The following GREM2 variants were observed in gnomAD, a reference collection of about 807,000 sequenced individuals.
GREM2 encodes gremlin 2, DAN family BMP antagonist.
A neutral mutation model predicts 14.2 loss-of-function variants in GREM2; 11 were observed. That is an observed-to-expected ratio of 0.78 (90% CI 0.49 to 1.28). The LOEUF is 1.28. GREM2 is among the 50% of genes most tolerant of loss of function. The pLI, the probability that GREM2 is intolerant of heterozygous loss-of-function variation, is 0.00. For missense variants in GREM2, 210 were observed against 218.5 expected (o/e 0.96, Z 0.24); for synonymous variants, 98 against 97.6 (o/e 1.00, Z -0.02).
chr1:240,514,247 C>CA (rs34702912), intron 1 of GREM2, among the ~76,000 whole-genome samples: 950 of 79,860 alleles, frequency 0.012, 18 homozygotes, highest in Non-Finnish European at 0.016. Context: ...GATTCCATCT[C>CA]AAAAAAAAAA....
At chr1:240,583,530 A>G (rs919461856) in intron 1 of GREM2, among the ~76,000 whole-genome samples, 2 of 152,028 alleles carry the variant, frequency 1.3e-5, no homozygotes, top group Non-Finnish European at 2.9e-5. Context: ...AATATGCTCT[A>G]CATAAATTCT....
At chr1:240,559,937 T>C (rs376021996) in intron 1 of GREM2, among the ~76,000 whole-genome samples, 3 of 152,226 alleles carry the variant, frequency 2.0e-5, no homozygotes, top group Admixed American at 1.3e-4. Context: ...CTTGAAACAG[T>C]CACGGTGTTT....
Position 240,512,049 on chromosome 1 carries a change from T to C in GREM2, c.-1-18573A>G, listed in dbSNP as rs202051242. On this transcript the variant is annotated intron_variant, in intron 1 of 1. Transcript: ENST00000318160. ...TGCTTTCCATCTCTCTGTACACTTG[T>C]CAAACCATTTTAATTGTAATTTTTG... Among the ~76,000 whole-genome samples, 14 of 152,352 alleles carry C rather than the reference T, an allele frequency of 9.2e-5. No individual in the cohort carries two copies. The East Asian group carries it at 1.9e-3, about 21-fold the overall frequency.
intron 1 of GREM2, among the ~76,000 whole-genome samples, chr1:240,605,416 G>A (rs1368360268): frequency 6.6e-6 from 1 of 152,098 alleles, no homozygotes; most frequent in African/African-American, 2.4e-5. Flanking sequence ...GGTTGAGGCT[G>A]CAGTGAGTCG....
intron 1 of GREM2, among the ~76,000 whole-genome samples, chr1:240,577,662 T>A (rs545962031): frequency 6.6e-6 from 1 of 152,346 alleles, no homozygotes; most frequent in Admixed American, 6.5e-5. Context: ...GTTTGGGATG[T>A]TAGTCTTAGT....
intron 1 of GREM2, among the ~76,000 whole-genome samples, chr1:240,560,641 T>C (rs114495702): frequency 1.6e-4 from 24 of 152,292 alleles, no homozygotes; most frequent in African/African-American, 5.3e-4. Context: ...AATTTCTTTA[T>C]TGAATCTGAT....
intron 1 of GREM2, among the ~76,000 whole-genome samples, chr1:240,551,681 A>G (rs1271628564): frequency 6.6e-6 from 1 of 151,920 alleles, no homozygotes; most frequent in African/African-American, 2.4e-5. Flanking sequence ...GAACTATTGA[A>G]TGAGGTACAC....
At chr1:240,603,620 A>G (rs1249228617) in intron 1 of GREM2, among the ~76,000 whole-genome samples, 3 of 143,956 alleles carry the variant, frequency 2.1e-5, no homozygotes, top group Non-Finnish European at 4.8e-5. Flanking sequence ...TTACTGCCCT[A>G]CTGTGTGGGA....
intron 1 of GREM2, among the ~76,000 whole-genome samples, chr1:240,593,805 C>A (rs1301328292): frequency 6.6e-6 from 1 of 151,986 alleles, no homozygotes; most frequent in Non-Finnish European, 1.5e-5. Context: ...GCTGACACGA[C>A]CTTAGTGGCC....
At chr1:240,534,560 C>T (rs185425972) in intron 1 of GREM2, among the ~76,000 whole-genome samples, 2,244 of 152,004 alleles carry the variant, frequency 0.015, 40 homozygotes, top group Non-Finnish European at 0.017. Flanking sequence ...GGCATGGTGG[C>T]GGGCGCCTGT....
intron 1 of GREM2, among the ~76,000 whole-genome samples, chr1:240,597,299 A>T (rs1321288089): frequency 6.6e-6 from 1 of 152,240 alleles, no homozygotes; most frequent in Non-Finnish European, 1.5e-5. Context: ...GGGTATTTAG[A>T]TGCCACAAAC....
intron 1 of GREM2, among the ~76,000 whole-genome samples, chr1:240,569,338 T>C (rs1287277828): frequency 1.3e-5 from 2 of 152,158 alleles, no homozygotes; most frequent in Non-Finnish European, 2.9e-5. Flanking sequence ...TTTGGAGATA[T>C]TTACAAGATG....
At chr1:240,534,015 C>T (rs1447005515) in intron 1 of GREM2, among the ~76,000 whole-genome samples, 1 of 152,144 alleles carries the variant, frequency 6.6e-6, no homozygotes, top group Non-Finnish European at 1.5e-5. Flanking sequence ...GAGTTGCAAA[C>T]AGATAACTTG....
At chr1:240,604,983 T>C (rs928408300) in intron 1 of GREM2, among the ~76,000 whole-genome samples, 1 of 152,206 alleles carries the variant, frequency 6.6e-6, no homozygotes, top group Non-Finnish European at 1.5e-5. Context: ...AAAAGTGTTT[T>C]TACCTTTCTC....
In GREM2 at chr1:240,542,344, C is replaced by T. The variant is rs1057488383; in HGVS notation, c.-1-48868G>A. The stretch of plus-strand genomic sequence containing the variant: ...GCCGGGCACGGTGGCTCACGGCTCA[C>T]GTCTAATCCCAGTACTTTGGGAGGC... On this transcript the variant is annotated intron_variant, in intron 1 of 1. Coordinates refer to ENST00000318160, the MANE Select transcript of GREM2 (RefSeq NM_022469.4). The surrounding 1 kb of genome is among the most constrained non-coding windows in gnomAD (Gnocchi z 4.1). Among the ~76,000 whole-genome samples, 10 of 151,460 alleles carry T rather than the reference C, an allele frequency of 6.6e-5. No individual in the cohort carries two copies. The highest frequency in any genetic ancestry group is 1.7e-4 in the African/African-American group (7 of 41,198).
chr1:240,591,752 G>GC (rs1558176134), intron 1 of GREM2, among the ~76,000 whole-genome samples: 1 of 152,184 alleles, frequency 6.6e-6, no homozygotes, highest in Non-Finnish European at 1.5e-5. Flanking sequence ...TGAAGTGGAA[G>GC]GGGCCTTTGG....
At chr1:240,545,615 G>C (rs1678700895) in intron 1 of GREM2, among the ~76,000 whole-genome samples, 1 of 152,182 alleles carries the variant, frequency 6.6e-6, no homozygotes, top group Non-Finnish European at 1.5e-5. Context: ...GGGATTCTGA[G>C]CCCTCCCCTC....
intron 1 of GREM2, among the ~76,000 whole-genome samples, chr1:240,589,386 G>T (rs919248883): frequency 1.3e-5 from 2 of 150,446 alleles, no homozygotes; most frequent in African/African-American, 4.9e-5. Flanking sequence ...GTTGAGCTGA[G>T]ATCGTGCCAT....
chr1:240,537,600 C>A (rs773225433), intron 1 of GREM2, among the ~76,000 whole-genome samples: 2 of 152,148 alleles, frequency 1.3e-5, no homozygotes, highest in Non-Finnish European at 2.9e-5. Flanking sequence ...TCCTGGCCAA[C>A]ATGGTGAAAC....
Sources: gnomAD v4.1 joint callset for allele counts (sites outside exome capture counted in the v4.1 genomes callset) on GRCh38, gnomAD v4.1.1 for gene constraint, Gnocchi (gnomAD v3.1) non-coding constraint, MANE v1.5 for transcripts, NCBI Gene and HGNC (gene_info 2026-07-23, HGNC 2026-07-21) for gene names.